PRCD: variants seen among roughly 807,000 people sequenced by gnomAD.
PRCD encodes the protein photoreceptor disc component, also known as photoreceptor disk component PRCD.
A neutral mutation model predicts 10.1 loss-of-function variants in PRCD; 12 were observed. The ratio of observed to expected loss-of-function variants is 1.18; its 90% CI spans 0.76 to 1.92. The LOEUF is 1.92. Ranked by LOEUF, PRCD falls within the 40% of genes most tolerant of loss-of-function variation. PRCD has a pLI of 0.00. For synonymous variants in PRCD, 31 were observed against 26.2 expected (o/e 1.18, Z -0.56); for missense variants, 61 against 72.2 (o/e 0.84, Z 0.56).
At chr17:76,550,156 A>G (rs1359415775), downstream of PRCD, 1 of 151,220 alleles carries the variant, frequency 6.6e-6, no homozygotes, top group East Asian at 1.9e-4. Flanking sequence ...GGGTTTCATC[A>G]TATTGGCCAG....
rs1462141547 is a variant in PRCD, at chr17:76,528,814, G to A, written n.45+981G>A. The A allele has an allele frequency of 8.9e-7, 1 of 1,118,402 alleles. No individual in the cohort carries two copies. The highest frequency in any genetic ancestry group is 3.2e-5 in the East Asian group (1 of 31,106). 69.3% of individuals were successfully genotyped at this position (1,118,402 alleles called of 1,614,324 possible). On this transcript the variant is annotated intron_variant and non_coding_transcript_variant, in intron 1 of 4. Transcript: ENST00000397633. The surrounding 1 kb of genome is among the most constrained non-coding windows in gnomAD (Gnocchi z 5.8). Reference sequence around the variant, plus strand: ...TGTGTGATCTCAGGCAAGTCTACTGGCCCATGGGAGCTCCGGATCTTTTTC... The same window carrying A: ...TGTGTGATCTCAGGCAAGTCTACTGACCCATGGGAGCTCCGGATCTTTTTC...
In PRCD at chr17:76,540,256, G is replaced by GC. The variant is rs759275085; in HGVS notation, c.74+41_74+42insC. ...GGCTATGGCTGGCGGTTGGTCGGGG[G>GC]GGGGGGGCATGGGGCTGGGCTGCCA... On this transcript the variant is annotated intron_variant, in intron 1 of 4. Transcript: ENST00000592014. The surrounding 1 kb of genome is among the most constrained non-coding windows in gnomAD (Gnocchi z 5.0). 79 of 1,210,064 alleles carry GC rather than the reference G, an allele frequency of 6.5e-5. 3 individuals carry two copies. The highest frequency in any genetic ancestry group is 4.7e-4 in the Middle Eastern group (2 of 4,282). The allele number at this position is 1,210,064 out of a possible 1,614,324, so 75.0% of individuals were successfully genotyped here.
Position 76,528,956 on chromosome 17 carries a change from A to T in PRCD, n.45+1123A>T, listed in dbSNP as rs1015988326. On this transcript the variant is annotated intron_variant and non_coding_transcript_variant, in intron 1 of 4. Transcript: ENST00000397633. This position sits in a 1 kb window ranked among gnomAD's most constrained non-coding sequence, Gnocchi z 5.8. ...TTCCATTAATTCTGAAACGTGGCGC[A>T]TTCTGTCCGGCCTGTCTCGTCCCTC... The T allele has an allele frequency of 2.8e-6, 3 of 1,064,648 alleles. No individual in the cohort carries two copies. The highest frequency in any genetic ancestry group is 9.1e-5 in the South Asian group (2 of 22,030). 66.0% of individuals were successfully genotyped at this position (1,064,648 alleles called of 1,614,324 possible). A position where few individuals can be genotyped will look rare whatever the true frequency, so the allele number is the denominator to read the frequency against.
At chr17:76,539,927 A>G (rs2074965322), upstream of PRCD, 6 of 604,268 alleles carry the variant, frequency 9.9e-6, no homozygotes, top group East Asian at 2.8e-5. Flanking sequence ...CCTTGACCCT[A>G]CCGCTGGAGG....
upstream of PRCD, among the ~76,000 whole-genome samples, chr17:76,536,993 G>C (rs1344045605): frequency 6.6e-6 from 1 of 152,198 alleles, no homozygotes; most frequent in Non-Finnish European, 1.5e-5. Context: ...GCTCCTCTTT[G>C]TCCCGCTTCT....
At position 76,531,099 on chromosome 17, in the gene PRCD, G is replaced by A; in HGVS notation, n.45+3266G>A. The A allele has an allele frequency of 6.2e-7, 1 of 1,613,654 alleles. No homozygotes were observed. ...CTGCGTCTCAGGTGGGAAGTCACTG[G>A]CAAATTCCTCGGCGACCACCTCCAG... On this transcript the variant is annotated intron_variant and non_coding_transcript_variant, in intron 1 of 4. Transcript: ENST00000397633. This position sits in a 1 kb window ranked among gnomAD's most constrained non-coding sequence, Gnocchi z 7.4.
downstream of PRCD, chr17:76,550,265 CTT>C (rs1279616888): frequency 5.3e-5 from 7 of 130,986 alleles, no homozygotes; most frequent in Non-Finnish European, 3.3e-5. Context: ...CTAGAAGGTT[CTT>C]TTTTTTTTTT....
intron 1 of PRCD, chr17:76,529,269 G>T: frequency 1.0e-6 from 1 of 985,442 alleles, no homozygotes; most frequent in South Asian, 4.7e-5. Context: ...GGGCTAGAGG[G>T]TGTAAAGGGA....
chr17:76,529,041 T>TGGGGGGGGGGGGGGGGGGGGGGGGGG, intron 1 of PRCD: 20 of 834,210 alleles, frequency 2.4e-5, no homozygotes, highest in South Asian at 6.2e-5. Context: ...CTGCAGTCAT[T>TGGGGGGGGGGGGGGGGGGGGGGGGGG]GCGCCCCCCC....
intron 4 of PRCD, chr17:76,543,505 C>A (rs1272438865): frequency 1.4e-5 from 5 of 346,588 alleles, no homozygotes; most frequent in Non-Finnish European, 2.9e-5. Context: ...TGTTATTATC[C>A]ACAATTTCTA....
Position 76,530,031 on chromosome 17 carries a change from G to A in PRCD, n.45+2198G>A, listed in dbSNP as rs934797190. ...CCTCCAGGAGCTGTGCCTGTGAACAGAAGGGCCGGCAGTCTTGGGGGCCCG... is the reference window on the plus strand; with the variant it reads ...CCTCCAGGAGCTGTGCCTGTGAACAAAAGGGCCGGCAGTCTTGGGGGCCCG... On this transcript the variant is annotated intron_variant and non_coding_transcript_variant, in intron 1 of 4. Coordinates refer to the PRCD transcript ENST00000397633. This position sits in a 1 kb window ranked among gnomAD's most constrained non-coding sequence, Gnocchi z 6.1. 1.0e-6 allele frequency: 1 copy of A among 985,420 alleles called. No homozygotes were observed. Among genetic ancestry groups the A allele is most frequent in the Non-Finnish European group, 1.2e-6 (1 of 829,918 alleles). 61.0% of individuals were successfully genotyped at this position (985,420 alleles called of 1,614,324 possible).
upstream of PRCD, among the ~76,000 whole-genome samples, chr17:76,535,310 G>A (rs1384370232): frequency 6.6e-6 from 1 of 152,194 alleles, no homozygotes; most frequent in African/African-American, 2.4e-5. Flanking sequence ...GGCTGCAGCT[G>A]GGGTCTTGAC....
At position 76,540,259 on chromosome 17, in the gene PRCD, GGGGGCATGGGGCT is replaced by G; in HGVS notation, c.74+48_74+60del. ...TATGGCTGGCGGTTGGTCGGGGGGG[GGGGGCATGGGGCT>G]GGGCTGCCACCAAGCTGAAGGTGGG... On this transcript the variant is annotated intron_variant, in intron 1 of 4. Coordinates refer to ENST00000592014, the MANE Select transcript of PRCD (RefSeq NM_001077620.3). This position sits in a 1 kb window ranked among gnomAD's most constrained non-coding sequence, Gnocchi z 5.0. 1 of 1,026,674 alleles carries G rather than the reference GGGGGCATGGGGCT, an allele frequency of 9.7e-7. No individual in the cohort carries two copies. Among genetic ancestry groups the G allele is most frequent in the Non-Finnish European group, 1.5e-6 (1 of 672,852 alleles). 63.6% of individuals were successfully genotyped at this position (1,026,674 alleles called of 1,614,324 possible).
chr17:76,536,938 A>G (rs952293199), upstream of PRCD, among the ~76,000 whole-genome samples: 1 of 152,130 alleles, frequency 6.6e-6, no homozygotes, highest in Non-Finnish European at 1.5e-5. Flanking sequence ...TGTTCTTCCA[A>G]GAGGCTTTGA....
chr17:76,541,351 A>G (rs1170143614), intron 2 of PRCD, among the ~76,000 whole-genome samples: 1 of 152,188 alleles, frequency 6.6e-6, no homozygotes, highest in African/African-American at 2.4e-5. Context: ...AAAGAGTAAA[A>G]AAGATCCGAT....
chr17:76,536,950 T>C (rs1598207733), upstream of PRCD, among the ~76,000 whole-genome samples: 1 of 152,216 alleles, frequency 6.6e-6, no homozygotes, highest in South Asian at 2.1e-4. Flanking sequence ...AGGCTTTGAA[T>C]CCCGCAAGCC....
upstream of PRCD, chr17:76,538,535 T>C (rs1452657416): frequency 1.1e-5 from 5 of 464,886 alleles, no homozygotes; most frequent in Admixed American, 2.4e-5. Flanking sequence ...CCCTGAATTC[T>C]AGCCCAGCTG....
In PRCD at chr17:76,544,889, C is replaced by T. The variant is rs2075036301; in HGVS notation, c.*1239C>T. On this transcript the variant is annotated 3_prime_UTR_variant, in exon 5 of 5. Coordinates refer to ENST00000592014, the MANE Select transcript of PRCD (RefSeq NM_001077620.3). ...CCAGACGCACTTCCCCAGGGCAGCG[C>T]CCCTCCACGCCACTGTTCCGAGAAC... The T allele has an allele frequency of 6.6e-6, 3 of 456,696 alleles. No homozygotes were observed. Among genetic ancestry groups the T allele is most frequent in the Non-Finnish European group, 1.3e-5 (3 of 226,996 alleles). The allele number at this position is 456,696 out of a possible 1,614,324, so 28.3% of individuals were successfully genotyped here.
chr17:76,538,448 G>A (rs1207657975), upstream of PRCD: 3 of 466,610 alleles, frequency 6.4e-6, no homozygotes, highest in East Asian at 2.2e-4. Context: ...CATGCCCTCG[G>A]TGCACGAACG....
Sources: gnomAD v4.1 joint callset for allele counts (sites outside exome capture counted in the v4.1 genomes callset) on GRCh38, gnomAD v4.1.1 for gene constraint, Gnocchi (gnomAD v3.1) non-coding constraint, MANE v1.5 for transcripts, NCBI Gene and HGNC (gene_info 2026-07-23, HGNC 2026-07-21) for gene names.